Variants in PTGER3 observed in about 807,000 individuals in gnomAD.
The protein encoded by PTGER3 is prostaglandin E2 receptor EP3 subtype.
PTGER3 carries 22 observed loss-of-function variants against 34.7 expected under a neutral mutation model. That is an observed-to-expected ratio of 0.63 (90% CI 0.45 to 0.91). The LOEUF is 0.91. Among genes scored for constraint, PTGER3 ranks in the 40% least tolerant of loss-of-function variants. PTGER3 has a pLI of 0.00. For missense variants in PTGER3, 468 were observed against 519.4 expected (o/e 0.90, Z 0.96); for synonymous variants, 241 against 230.1 (o/e 1.05, Z -0.43).
intron 4 of PTGER3, among the ~76,000 whole-genome samples, chr1:70,888,595 A>T (rs987733599): frequency 1.3e-5 from 2 of 152,068 alleles, no homozygotes; most frequent in African/African-American, 4.8e-5. Context: ...TATAATTTAG[A>T]TCTCTAGACT....
chr1:71,031,283 CAA>C (rs1659395102), intron 1 of PTGER3, among the ~76,000 whole-genome samples: 2 of 142,626 alleles, frequency 1.4e-5, no homozygotes, highest in African/African-American at 5.2e-5. Context: ...CACACACACA[CAA>C]ACGTGCACAC....
In PTGER3 at chr1:70,971,537, T is replaced by C. The variant is rs748889490; in HGVS notation, c.*193A>G. On this transcript the variant is annotated 3_prime_UTR_variant, in exon 4 of 4. Transcript: ENST00000306666. ...AATCCCATCCAAGAAACCAATCTAA[T>C]ATTCAGAGGCATGGATTATAATAAT... 2 of 1,230,662 alleles carry C rather than the reference T, an allele frequency of 1.6e-6. No individual in the cohort carries two copies. The highest frequency in any genetic ancestry group is 3.3e-5 in the East Asian group (1 of 30,064). The allele number at this position is 1,230,662 out of a possible 1,614,324, so 76.2% of individuals were successfully genotyped here.
intron 2 of PTGER3, among the ~76,000 whole-genome samples, chr1:70,993,365 G>A (rs1883461): frequency 6.6e-6 from 1 of 152,042 alleles, no homozygotes; most frequent in African/African-American, 2.4e-5. Context: ...GAATATGTCT[G>A]TGCGATAGAG....
At chr1:70,873,564 T>C (rs1646208549) in intron 4 of PTGER3, among the ~76,000 whole-genome samples, 1 of 150,094 alleles carries the variant, frequency 6.7e-6, no homozygotes, top group Non-Finnish European at 1.5e-5. Flanking sequence ...GTTTTGTTTA[T>C]TTTATTTTAA....
intron 4 of PTGER3, among the ~76,000 whole-genome samples, chr1:70,876,032 C>T (rs1344436458): frequency 1.3e-5 from 2 of 152,138 alleles, no homozygotes; most frequent in Admixed American, 6.5e-5. Context: ...TCCACAATGG[C>T]TGAACTAATT....
intron 4 of PTGER3, among the ~76,000 whole-genome samples, chr1:70,855,282 T>C (rs1645776430): frequency 2.0e-5 from 3 of 152,126 alleles, no homozygotes. Flanking sequence ...GTCCAACTCA[T>C]AGAAAGCAGA....
intron 4 of PTGER3, among the ~76,000 whole-genome samples, chr1:70,926,150 G>A (rs543679888): frequency 1.3e-5 from 2 of 152,284 alleles, no homozygotes; most frequent in African/African-American, 4.8e-5. Context: ...AGTGGTTGTA[G>A]GGACAAATTA....
At chr1:70,997,320 C>T (rs1656083037) in intron 2 of PTGER3, 1 of 152,048 alleles carries the variant, frequency 6.6e-6, no homozygotes, top group Non-Finnish European at 1.5e-5. Flanking sequence ...CGTCTCTTCT[C>T]TTGGTTATGA....
intron 4 of PTGER3, chr1:70,852,928 A>G: frequency 1.3e-6 from 2 of 1,508,828 alleles, no homozygotes; most frequent in South Asian, 1.1e-5. Flanking sequence ...AATAAAAATC[A>G]AAGGCAATAA....
downstream of PTGER3, among the ~76,000 whole-genome samples, chr1:70,966,727 G>A (rs1404328109): frequency 6.6e-6 from 1 of 152,096 alleles, no homozygotes; most frequent in Non-Finnish European, 1.5e-5. Flanking sequence ...GTGTTAGTTT[G>A]CTGAGGATGG....
At chr1:70,893,038 G>A (rs72932180) in intron 4 of PTGER3, among the ~76,000 whole-genome samples, 11,162 of 151,590 alleles carry the variant, frequency 0.074, 468 homozygotes, top group Non-Finnish European at 0.1. Context: ...AAAAAAAAAC[G>A]TTTCCTTACT....
chr1:70,988,784 A>G (rs1164984948), intron 2 of PTGER3, among the ~76,000 whole-genome samples: 3 of 152,218 alleles, frequency 2.0e-5, no homozygotes, highest in East Asian at 3.9e-4. Context: ...AAAACCTAAC[A>G]TAGTGATAAA....
At chr1:70,897,832 CTT>C (rs1178997349) in intron 4 of PTGER3, among the ~76,000 whole-genome samples, 1 of 152,080 alleles carries the variant, frequency 6.6e-6, no homozygotes, top group Non-Finnish European at 1.5e-5. Context: ...CTGTTATTGA[CTT>C]CAACATGTTT....
chr1:70,870,409 A>T (rs1646138033), intron 4 of PTGER3, among the ~76,000 whole-genome samples: 1 of 152,194 alleles, frequency 6.6e-6, no homozygotes. Context: ...TGTCTCGGCT[A>T]TTAGCACTTG....
intron 2 of PTGER3, among the ~76,000 whole-genome samples, chr1:71,001,502 A>T (rs969988001): frequency 2.6e-5 from 4 of 152,170 alleles, no homozygotes; most frequent in Non-Finnish European, 5.9e-5. Context: ...AAAGAGTGGG[A>T]ACCTGAAATT....
At chr1:70,992,869 A>T (rs974474223) in intron 2 of PTGER3, among the ~76,000 whole-genome samples, 1 of 152,224 alleles carries the variant, frequency 6.6e-6, no homozygotes, top group African/African-American at 2.4e-5. Context: ...GAAGCATTTG[A>T]TTAATGATCA....
chr1:70,986,413 G>A (rs1654918990), intron 2 of PTGER3, among the ~76,000 whole-genome samples: 1 of 152,122 alleles, frequency 6.6e-6, no homozygotes, highest in Non-Finnish European at 1.5e-5. Flanking sequence ...GTAACGCCAT[G>A]GCAGAGACAG....
At chr1:71,039,748 A>G (rs1660143200) in intron 1 of PTGER3, among the ~76,000 whole-genome samples, 1 of 151,616 alleles carries the variant, frequency 6.6e-6, no homozygotes, top group Non-Finnish European at 1.5e-5. Context: ...TCTCCACCAC[A>G]TTTTTTCCCC....
At chr1:71,033,103 T>C (rs1462563704) in intron 1 of PTGER3, among the ~76,000 whole-genome samples, 1 of 152,210 alleles carries the variant, frequency 6.6e-6, no homozygotes, top group Non-Finnish European at 1.5e-5. Context: ...TTCCTAGTTG[T>C]GTAAGCTTAG....
Sources: allele counts gnomAD v4.1 joint callset (sites outside exome capture counted in the v4.1 genomes callset), GRCh38; gene constraint gnomAD v4.1.1; transcripts MANE v1.5; gene names NCBI Gene and HGNC (gene_info 2026-07-23, HGNC 2026-07-21).